GPC6: variants seen among roughly 807,000 people sequenced by gnomAD.
GPC6 encodes the protein glypican 6.
Under a neutral mutation model 55.2 loss-of-function variants are expected in GPC6, and 14 were observed. That is an observed-to-expected ratio of 0.25 (90% CI 0.17 to 0.40). The LOEUF (loss-of-function observed/expected upper bound fraction) is 0.40, where lower values mean the gene tolerates loss of function less well. GPC6 is among the 10% of genes least tolerant of loss of function. GPC6 has a pLI of 1.00. For synonymous variants in GPC6, 278 were observed against 259.6 expected, an observed-to-expected ratio of 1.07 and a Z score of -0.68; for missense variants, 641 against 708.5, an observed-to-expected ratio of 0.90 and a Z score of 1.08.
intron 1 of GPC6, among the ~76,000 whole-genome samples, chr13:93,426,971 C>T (rs911034127): frequency 6.7e-6 from 1 of 150,222 alleles, no homozygotes; most frequent in Non-Finnish European, 1.5e-5. Flanking sequence ...TTTTGATTTG[C>T]ATTTCTCTGA....
chr13:93,954,828 C>A (rs909339663), intron 3 of GPC6, among the ~76,000 whole-genome samples: 1 of 152,150 alleles, frequency 6.6e-6, no homozygotes, highest in Non-Finnish European at 1.5e-5. Context: ...TCCTCACTTA[C>A]CCCAGGTTTA....
At chr13:93,339,377 T>TAAA (rs3074917) in intron 1 of GPC6, among the ~76,000 whole-genome samples, 14,083 of 137,320 alleles carry the variant, frequency 0.1, 823 homozygotes, top group African/African-American at 0.15. Flanking sequence ...CATCATCTAT[T>TAAA]AAAAAAAAAA....
At chr13:93,809,053 A>G (rs983602362) in intron 2 of GPC6, among the ~76,000 whole-genome samples, 2 of 152,234 alleles carry the variant, frequency 1.3e-5, no homozygotes, top group African/African-American at 4.8e-5. Context: ...AAAAGAAAGT[A>G]GAAATATATT....
intron 2 of GPC6, among the ~76,000 whole-genome samples, chr13:93,560,239 G>A (rs76394356): frequency 0.032 from 4,879 of 151,898 alleles, 377 homozygotes; most frequent in East Asian, 0.25. Context: ...TTTGCAGTTA[G>A]GCTCACTCCT....
At chr13:94,366,972 A>G (rs909784193) in intron 6 of GPC6, among the ~76,000 whole-genome samples, 4 of 152,244 alleles carry the variant, frequency 2.6e-5, no homozygotes, top group Non-Finnish European at 4.4e-5. Flanking sequence ...AGGAGGAAGA[A>G]TAAGAATGTG....
intron 1 of GPC6, among the ~76,000 whole-genome samples, chr13:93,523,440 TACAC>T (rs747143928): frequency 1.7e-5 from 1 of 57,656 alleles, no homozygotes; most frequent in Non-Finnish European, 3.8e-5. Flanking sequence ...TATGACATTT[TACAC>T]ACACACACAT....
In GPC6 at chr13:93,518,132, C is replaced by G. The variant is rs572401593; in HGVS notation, c.161-27131C>G. Among the ~76,000 whole-genome samples the G allele has an allele frequency of 9.9e-5, 15 of 151,880 alleles. No homozygotes were observed. The South Asian group carries it at 2.9e-3, about 29-fold the overall frequency. ...TACAAAGTTGATTCTTTTAAAGGAG[C>G]CTCAGAGCACAGGAGCTCACAGAAT... On this transcript the variant is annotated intron_variant, in intron 1 of 8. Transcript: ENST00000377047.
chr13:93,797,623 A>T (rs1886240244), intron 2 of GPC6, among the ~76,000 whole-genome samples: 1 of 152,186 alleles, frequency 6.6e-6, no homozygotes, highest in Admixed American at 6.5e-5. Flanking sequence ...TTACTTACAG[A>T]GGAGCTTGGG....
At chr13:94,088,982 A>G (rs1366064316) in intron 4 of GPC6, among the ~76,000 whole-genome samples, 1 of 152,170 alleles carries the variant, frequency 6.6e-6, no homozygotes, top group African/African-American at 2.4e-5. Flanking sequence ...CGTTCTTGCC[A>G]GTGAAGTCAA....
intron 2 of GPC6, among the ~76,000 whole-genome samples, chr13:93,619,788 T>C (rs1233767702): frequency 6.6e-6 from 1 of 152,174 alleles, no homozygotes; most frequent in Non-Finnish European, 1.5e-5. Flanking sequence ...TTTGTGTTTT[T>C]TGCTTATATA....
intron 2 of GPC6, among the ~76,000 whole-genome samples, chr13:93,618,004 C>T (rs918364160): frequency 6.6e-6 from 1 of 152,022 alleles, no homozygotes; most frequent in Non-Finnish European, 1.5e-5. Context: ...TAATCTGGCT[C>T]TGGTTCTCTA....
intron 3 of GPC6, among the ~76,000 whole-genome samples, chr13:93,984,159 C>CCTGA (rs1880923623): frequency 1.3e-5 from 2 of 152,070 alleles, no homozygotes; most frequent in African/African-American, 4.8e-5. Context: ...TCTGCTTGAT[C>CCTGA]TTAGCTGTCC....
At chr13:93,936,928 AT>A (rs1878466095) in intron 3 of GPC6, among the ~76,000 whole-genome samples, 1 of 152,194 alleles carries the variant, frequency 6.6e-6, no homozygotes, top group Non-Finnish European at 1.5e-5. Flanking sequence ...AACCCATCAG[AT>A]ATTTTGTGGT....
At chr13:93,794,632 G>C in intron 2 of GPC6, among the ~76,000 whole-genome samples, 1 of 152,176 alleles carries the variant, frequency 6.6e-6, no homozygotes, top group Non-Finnish European at 1.5e-5. Context: ...ATGTACGTGA[G>C]ACCTTGTATG....
chr13:93,688,231 A>G (rs1429440380), intron 2 of GPC6, among the ~76,000 whole-genome samples: 1 of 152,094 alleles, frequency 6.6e-6, no homozygotes, highest in East Asian at 1.9e-4. Flanking sequence ...TTGAAGAAAT[A>G]ATTGAATTCA....
intron 1 of GPC6, among the ~76,000 whole-genome samples, chr13:93,427,531 G>C (rs1404973279): frequency 4.6e-5 from 7 of 152,106 alleles, no homozygotes; most frequent in Non-Finnish European, 4.4e-5. Context: ...ATGGTGCTGG[G>C]AAAACTGGCT....
chr13:93,801,221 G>C (rs1020881421), intron 2 of GPC6, among the ~76,000 whole-genome samples: 1 of 152,192 alleles, frequency 6.6e-6, no homozygotes, highest in African/African-American at 2.4e-5. Context: ...GGCTATCTCT[G>C]TCAGAGGGTT....
intron 1 of GPC6, among the ~76,000 whole-genome samples, chr13:93,304,308 T>A (rs1354759175): frequency 6.6e-6 from 1 of 152,210 alleles, no homozygotes. Flanking sequence ...TGACCAAGGC[T>A]GTGAGGCATA....
chr13:93,962,143 T>G (rs1054670797), intron 3 of GPC6, among the ~76,000 whole-genome samples: 1 of 152,174 alleles, frequency 6.6e-6, no homozygotes. Context: ...CCTGATAAAA[T>G]GTAGTCCATT....
Sources: allele counts gnomAD v4.1 joint callset (sites outside exome capture counted in the v4.1 genomes callset), GRCh38; gene constraint gnomAD v4.1.1; transcripts MANE v1.5; gene names NCBI Gene and HGNC (gene_info 2026-07-23, HGNC 2026-07-21).